PEAK1: variants seen among roughly 807,000 people sequenced by gnomAD.
The protein encoded by PEAK1 is pseudopodium enriched atypical kinase 1, also known as inactive tyrosine-protein kinase PEAK1.
PEAK1 carries 54 observed loss-of-function variants against 124.7 expected under a neutral mutation model. That is an observed-to-expected ratio of 0.43 (90% CI 0.35 to 0.54). PEAK1 has a LOEUF of 0.54. Among genes scored for constraint, PEAK1 ranks in the 20% least tolerant of loss-of-function variants. The probability of loss-of-function intolerance (pLI) is 0.01; values close to 1 mark genes in which losing one functional copy is unlikely to be tolerated. For synonymous variants in PEAK1, 719 were observed against 760.0 expected, an observed-to-expected ratio of 0.95 and a Z score of 0.89; for missense variants, 2,046 against 2,134.5, an observed-to-expected ratio of 0.96 and a Z score of 0.82.
rs113666185 is a variant in PEAK1, at chr15:77,417,470, G to T, written c.-666+2536C>A. On this transcript the variant is annotated intron_variant, in intron 1 of 9. Transcript: ENST00000682557. ...GGGGGGATGCGGGGCGGGGGGGGAGGGGGGCAAGAGGTAGGAATCACAGTA... is the reference window on the plus strand; with the variant it reads ...GGGGGGATGCGGGGCGGGGGGGGAGTGGGGCAAGAGGTAGGAATCACAGTA... 5 of 974,172 alleles carry T rather than the reference G, an allele frequency of 5.1e-6. No homozygotes were observed. In the East Asian group the frequency reaches 4.6e-4, roughly 90 times the overall value. The allele number at this position is 974,172 out of a possible 1,614,324, so 60.3% of individuals were successfully genotyped here. A position where few individuals can be genotyped will look rare whatever the true frequency, so the allele number is the denominator to read the frequency against.
intron 2 of PEAK1, chr15:77,346,236 A>G: frequency 3.2e-6 from 3 of 923,304 alleles, no homozygotes; most frequent in Non-Finnish European, 3.9e-6. Flanking sequence ...CACAGTTTCA[A>G]TGTCATCTCT....
intron 8 of PEAK1, chr15:77,156,169 T>A (rs1399722688): frequency 6.5e-6 from 1 of 153,966 alleles, no homozygotes. Flanking sequence ...GCTTCCGGGC[T>A]GCTTTGTTTA....
At chr15:77,341,058 T>C (rs1345234323) in intron 2 of PEAK1, among the ~76,000 whole-genome samples, 1 of 151,614 alleles carries the variant, frequency 6.6e-6, no homozygotes, top group Admixed American at 6.6e-5. Context: ...CTCAAACAAT[T>C]CTCCCACCTC....
Position 77,258,470 on chromosome 15 carries a change from T to C in PEAK1, c.-274-5944A>G, listed in dbSNP as rs144664816. ...CCCTTGTACGTTGGATTCCTAGGTA[T>C]TGTATTCTCTTTGAAGCAATTGTGA... is the stretch of plus-strand genomic sequence containing the variant. On this transcript the variant is annotated intron_variant, in intron 5 of 9. Coordinates refer to ENST00000682557, the MANE Select transcript of PEAK1 (RefSeq NM_001385026.1). 7.3e-3 allele frequency among the ~76,000 whole-genome samples: 1,110 copies of C among 152,286 alleles called. 15 individuals are homozygous for C. The highest frequency in any genetic ancestry group is 0.025 in the African/African-American group (1,054 of 41,546).
intron 6 of PEAK1, among the ~76,000 whole-genome samples, chr15:77,209,101 G>A (rs961869863): frequency 6.6e-6 from 1 of 152,122 alleles, no homozygotes. Context: ...GGAAATGAGT[G>A]TTGAAAAAAG....
chr15:77,247,018 AAAAAAATATAGTGTATAGAAAT>A (rs2060621483), intron 6 of PEAK1, among the ~76,000 whole-genome samples: 1 of 152,180 alleles, frequency 6.6e-6, no homozygotes, highest in Admixed American at 6.5e-5. Flanking sequence ...ACTCCGTCTC[AAAAAAATATAGTGTATAGAAAT>A]ATGATAGATT....
At chr15:77,418,967 C>T (rs952655424) in intron 1 of PEAK1, 2 of 985,178 alleles carry the variant, frequency 2.0e-6, no homozygotes, top group Non-Finnish European at 2.4e-6. Context: ...ATGTAAGTCT[C>T]TAAGTATTTA....
intron 6 of PEAK1, among the ~76,000 whole-genome samples, chr15:77,191,075 A>T (rs1318083068): frequency 2.0e-5 from 3 of 152,268 alleles, no homozygotes; most frequent in South Asian, 2.1e-4. Context: ...GAGCACAGTT[A>T]TTTTTTTCAG....
chr15:77,376,811 G>A lies in PEAK1; in HGVS notation c.-665-11586C>T, dbSNP rs115606865. 4.5e-3 allele frequency among the ~76,000 whole-genome samples: 684 copies of A among 152,152 alleles called. 5 individuals are homozygous for A. The highest frequency in any genetic ancestry group is 0.016 in the African/African-American group (655 of 41,520). On this transcript the variant is annotated intron_variant, in intron 1 of 9. Coordinates refer to ENST00000682557, the MANE Select transcript of PEAK1 (RefSeq NM_001385026.1). ...AAAGAATTTTTTAAGGCTTTTTTATGTAAGCTATTTTCTACTTTTTTATTT... is the reference window on the plus strand; with the variant it reads ...AAAGAATTTTTTAAGGCTTTTTTATATAAGCTATTTTCTACTTTTTTATTT...
chr15:77,232,269 G>A (rs896471631), intron 6 of PEAK1, among the ~76,000 whole-genome samples: 8 of 151,848 alleles, frequency 5.3e-5, no homozygotes, highest in Non-Finnish European at 1.0e-4. Flanking sequence ...ACCCAACCAT[G>A]AGCTTACACT....
chr15:77,402,240 T>TCAGAATGGAC, intron 1 of PEAK1: 7 of 983,366 alleles, frequency 7.1e-6, no homozygotes, highest in Non-Finnish European at 8.4e-6. Flanking sequence ...ACAGTAAAAT[T>TCAGAATGGAC]CAGAATGGAA....
chr15:77,104,498 C>CAG (rs1566969554), downstream of PEAK1: 2 of 152,308 alleles, frequency 1.3e-5, no homozygotes, highest in African/African-American at 4.8e-5. Flanking sequence ...CCCTGAAGAA[C>CAG]AGAGAGAAAA....
chr15:77,243,380 C>T (rs1025803288), intron 6 of PEAK1, among the ~76,000 whole-genome samples: 2 of 152,202 alleles, frequency 1.3e-5, no homozygotes, highest in African/African-American at 2.4e-5. Flanking sequence ...ACTGCATAAA[C>T]ATTTTCCTCA....
At chr15:77,335,579 A>G in intron 2 of PEAK1, 2 of 835,006 alleles carry the variant, frequency 2.4e-6, no homozygotes, top group Non-Finnish European at 2.9e-6. Flanking sequence ...TCTGGGCTTA[A>G]GCGAACCGCC....
intron 8 of PEAK1, among the ~76,000 whole-genome samples, chr15:77,153,067 C>G (rs941275366): frequency 6.6e-6 from 1 of 152,068 alleles, no homozygotes; most frequent in African/African-American, 2.4e-5. Context: ...AGGAATGGTA[C>G]CAGCTCCTCC....
chr15:77,399,207 A>G (rs2071149875), intron 1 of PEAK1, among the ~76,000 whole-genome samples: 1 of 152,080 alleles, frequency 6.6e-6, no homozygotes. Context: ...TAGATTCTTC[A>G]TGGACTGGAA....
chr15:77,153,629 T>C (rs939306688), intron 8 of PEAK1, among the ~76,000 whole-genome samples: 14 of 152,224 alleles, frequency 9.2e-5, no homozygotes, highest in East Asian at 1.9e-4. Context: ...TTTAGTGCTA[T>C]AAATTTCCCT....
intron 6 of PEAK1, among the ~76,000 whole-genome samples, chr15:77,212,698 C>T (rs144030704): frequency 1.8e-3 from 277 of 152,276 alleles, no homozygotes; most frequent in Non-Finnish European, 3.1e-3. Context: ...AAACTCTATA[C>T]TTGTATGTAG....
chr15:77,138,267 G>C (rs942341509), intron 8 of PEAK1, among the ~76,000 whole-genome samples: 1 of 152,172 alleles, frequency 6.6e-6, no homozygotes, highest in Non-Finnish European at 1.5e-5. Context: ...TGGTATGCTT[G>C]TATAGGGCAC....
Sources: gnomAD v4.1 joint callset for allele counts (sites outside exome capture counted in the v4.1 genomes callset) on GRCh38, gnomAD v4.1.1 for gene constraint, MANE v1.5 for transcripts, NCBI Gene and HGNC (gene_info 2026-07-23, HGNC 2026-07-21) for gene names.